PTPRR: variants seen among roughly 807,000 people sequenced by gnomAD.
The protein encoded by PTPRR is protein tyrosine phosphatase receptor type R.
PTPRR carries 38 observed loss-of-function variants against 77.2 expected under a neutral mutation model. The observed-to-expected ratio is 0.49, with a 90% confidence interval of 0.38 to 0.65. The LOEUF (loss-of-function observed/expected upper bound fraction) is 0.65, where lower values mean the gene tolerates loss of function less well. Ranked by LOEUF, PTPRR falls within the 30% of genes least tolerant of loss-of-function variation. The pLI is 0.00. For synonymous variants in PTPRR, 299 were observed against 283.1 expected, an observed-to-expected ratio of 1.06 and a Z score of -0.57; for missense variants, 744 against 799.2, an observed-to-expected ratio of 0.93 and a Z score of 0.83.
In PTPRR at chr12:70,919,673, GTTTTTTTTT is replaced by G. The variant is rs58439089; in HGVS notation, c.58+651_58+659del. Reference sequence around the variant, plus strand: ...GGTTGTCAGCTTTGGAACTGTAATTGTTTTTTTTTTTTTTTTTTTTTTTTTTTTTTTTAA... The same window carrying G: ...GGTTGTCAGCTTTGGAACTGTAATTGTTTTTTTTTTTTTTTTTTTTTTTAA... On this transcript the variant is annotated intron_variant, in intron 1 of 13. Transcript: ENST00000283228. Among the ~76,000 whole-genome samples the G allele has an allele frequency of 6.4e-4, 71 of 110,082 alleles. 1 individual carries two copies. Among genetic ancestry groups the G allele is most frequent in the Non-Finnish European group, 7.8e-4 (41 of 52,360 alleles). 72.2% of individuals were successfully genotyped at this position (110,082 alleles called of 152,430 possible).
In PTPRR at chr12:70,916,700, T is replaced by C. The variant is rs544258712; in HGVS notation, c.58+3633A>G. Among the ~76,000 whole-genome samples the C allele has an allele frequency of 9.2e-5, 14 of 152,286 alleles. No homozygotes were observed. In the East Asian group the frequency reaches 2.7e-3, roughly 29 times the overall value. The stretch of plus-strand genomic sequence containing the variant: ...ATATCATTTACCTGTTAGTCTATCC[T>C]TTCTTTTGAGGGTGGTACTTCTGCA... On this transcript the variant is annotated intron_variant, in intron 1 of 13. Coordinates refer to ENST00000283228, the MANE Select transcript of PTPRR (RefSeq NM_002849.4).
chr12:70,730,570 T>A (rs1889618224), intron 6 of PTPRR, among the ~76,000 whole-genome samples: 1 of 150,824 alleles, frequency 6.6e-6, no homozygotes, highest in South Asian at 2.1e-4. Context: ...CAGTGGCTCA[T>A]GCGTGTAATT....
intron 12 of PTPRR, among the ~76,000 whole-genome samples, chr12:70,659,357 A>C (rs1209672291): frequency 6.6e-6 from 1 of 152,182 alleles, no homozygotes; most frequent in Non-Finnish European, 1.5e-5. Flanking sequence ...AAGGGCCTGA[A>C]CTATGGTGGC....
intron 2 of PTPRR, among the ~76,000 whole-genome samples, chr12:70,822,032 G>C (rs926297393): frequency 6.6e-6 from 1 of 152,170 alleles, no homozygotes; most frequent in African/African-American, 2.4e-5. Context: ...TTAATGTGTA[G>C]AATTCCAAAT....
At chr12:70,823,676 G>C (rs1170962729) in intron 2 of PTPRR, among the ~76,000 whole-genome samples, 1 of 152,230 alleles carries the variant, frequency 6.6e-6, no homozygotes, top group East Asian at 1.9e-4. Context: ...TTCTCTGGAA[G>C]AGAACAAAGG....
At chr12:70,654,280 C>T (rs987120441) in intron 13 of PTPRR, among the ~76,000 whole-genome samples, 2 of 152,004 alleles carry the variant, frequency 1.3e-5, no homozygotes, top group Non-Finnish European at 2.9e-5. Context: ...AAAAAAATCT[C>T]GAAAGGTAAT....
At chr12:70,776,907 G>T (rs1483462156) in intron 2 of PTPRR, among the ~76,000 whole-genome samples, 1 of 151,944 alleles carries the variant, frequency 6.6e-6, no homozygotes, top group Non-Finnish European at 1.5e-5. Flanking sequence ...CAAAATTTAA[G>T]GTACAGATGG....
At chr12:70,727,504 A>G (rs1889484876) in intron 6 of PTPRR, among the ~76,000 whole-genome samples, 1 of 152,248 alleles carries the variant, frequency 6.6e-6, no homozygotes, top group Admixed American at 6.5e-5. Context: ...AATTCATAAA[A>G]GAAGCTATCA....
intron 6 of PTPRR, among the ~76,000 whole-genome samples, chr12:70,729,205 T>A (rs1358742596): frequency 6.6e-6 from 1 of 152,224 alleles, no homozygotes; most frequent in Non-Finnish European, 1.5e-5. Context: ...TAAACTTAAA[T>A]GTATTTAAAC....
chr12:70,711,288 G>A (rs1396207012), intron 6 of PTPRR, among the ~76,000 whole-genome samples: 1 of 152,020 alleles, frequency 6.6e-6, no homozygotes, highest in Non-Finnish European at 1.5e-5. Flanking sequence ...ACTAACACAG[G>A]AACAGAAAAT....
chr12:70,667,321 A>G (rs11178356), intron 10 of PTPRR, among the ~76,000 whole-genome samples: 60,104 of 152,028 alleles, frequency 0.4, 14,572 homozygotes, highest in African/African-American at 0.66. Context: ...AATGCAGTTT[A>G]AACATAACAC....
At chr12:70,689,050 A>C (rs559035966) in intron 8 of PTPRR, among the ~76,000 whole-genome samples, 51 of 152,032 alleles carry the variant, frequency 3.4e-4, no homozygotes, top group African/African-American at 8.9e-4. Context: ...GGGAAAGGGG[A>C]GATGGTGGTC....
In PTPRR at chr12:70,690,555, T is replaced by C. The variant is rs949918767; in HGVS notation, c.1280-5772A>G. ...AACATTGCCATTAGAATGCACGCAG[T>C]GATTAGTTCAGTCTGGATAGCCCTA... On this transcript the variant is annotated intron_variant, in intron 8 of 13. Transcript: ENST00000283228. Among the ~76,000 whole-genome samples the C allele has an allele frequency of 5.3e-5, 8 of 152,312 alleles. No homozygotes were observed. In the East Asian group the frequency reaches 1.5e-3, roughly 29 times the overall value.
intron 2 of PTPRR, among the ~76,000 whole-genome samples, chr12:70,831,583 CTGT>C (rs770093230): frequency 1.3e-5 from 2 of 152,180 alleles, no homozygotes; most frequent in Non-Finnish European, 2.9e-5. Context: ...GTGAAGTGTT[CTGT>C]TGTTACAAAT....
intron 10 of PTPRR, chr12:70,672,443 C>T: frequency 1.8e-6 from 2 of 1,087,720 alleles, no homozygotes; most frequent in Non-Finnish European, 2.8e-6. Context: ...ATCAAGGCCA[C>T]AGATGCCATG....
At chr12:70,820,430 T>G (rs2137039555) in intron 2 of PTPRR, among the ~76,000 whole-genome samples, 1 of 152,120 alleles carries the variant, frequency 6.6e-6, no homozygotes, top group African/African-American at 2.4e-5. Context: ...GCTTCCCGAG[T>G]TCACGCCATT....
intron 2 of PTPRR, among the ~76,000 whole-genome samples, chr12:70,815,198 G>C (rs1230381119): frequency 1.3e-5 from 2 of 148,642 alleles, no homozygotes; most frequent in African/African-American, 2.5e-5. Flanking sequence ...AATAAAAAAT[G>C]CAGGGGACAG....
chr12:70,741,895 C>A (rs1182842089), intron 6 of PTPRR, among the ~76,000 whole-genome samples: 1 of 152,036 alleles, frequency 6.6e-6, no homozygotes, highest in African/African-American at 2.4e-5. Context: ...GGGGATCATG[C>A]CTTAGATATG....
At chr12:70,790,243 T>C (rs1430829125) in intron 2 of PTPRR, among the ~76,000 whole-genome samples, 1 of 152,180 alleles carries the variant, frequency 6.6e-6, no homozygotes, top group Admixed American at 6.5e-5. Context: ...TTGTTTCTAA[T>C]AACGCTTTCC....
Sources: gnomAD v4.1 joint callset for allele counts (sites outside exome capture counted in the v4.1 genomes callset) on GRCh38, gnomAD v4.1.1 for gene constraint, MANE v1.5 for transcripts, NCBI Gene and HGNC (gene_info 2026-07-23, HGNC 2026-07-21) for gene names.